Variants in DPP10 observed in about 807,000 individuals in gnomAD.
DPP10 encodes inactive dipeptidyl peptidase 10.
A neutral mutation model predicts 120.9 loss-of-function variants in DPP10; 33 were observed. That is an observed-to-expected ratio of 0.27 (90% CI 0.21 to 0.37). The LOEUF (loss-of-function observed/expected upper bound fraction) is 0.37. DPP10 is among the 10% of genes least tolerant of loss of function. The pLI, the probability that DPP10 is intolerant of heterozygous loss-of-function variation, is 1.00. For missense variants in DPP10, 816 were observed against 942.8 expected, an observed-to-expected ratio of 0.87 and a Z score of 1.76; for synonymous variants, 337 against 326.1, an observed-to-expected ratio of 1.03 and a Z score of -0.36.
chr2:114,858,656 A>C (rs1689557620), intron 1 of DPP10, among the ~76,000 whole-genome samples: 1 of 152,212 alleles, frequency 6.6e-6, no homozygotes, highest in Non-Finnish European at 1.5e-5. Flanking sequence ...GAAAATGATC[A>C]GCTTATTCTG....
chr2:115,815,917 A>G (rs979492942), intron 21 of DPP10, among the ~76,000 whole-genome samples, 188 bp downstream of exon 21: 5 of 151,758 alleles, frequency 3.3e-5, no homozygotes, highest in African/African-American at 1.2e-4. Flanking sequence ...CCAGAGTCTG[A>G]AATGTATATA....
intron 1 of DPP10, among the ~76,000 whole-genome samples, chr2:114,945,234 C>T (rs67100113): frequency 0.21 from 31,764 of 152,014 alleles, 3,537 homozygotes; most frequent in Middle Eastern, 0.36. Context: ...CAAATTGATA[C>T]GTTGCATTTT....
chr2:114,880,063 C>CT (rs1269526750), intron 1 of DPP10, among the ~76,000 whole-genome samples: 3 of 152,144 alleles, frequency 2.0e-5, no homozygotes, highest in African/African-American at 7.2e-5. Flanking sequence ...CCCTGTGGAG[C>CT]TTTTTCACCT....
chr2:114,488,190 T>C (rs1055528982), intron 1 of DPP10, among the ~76,000 whole-genome samples: 1 of 152,184 alleles, frequency 6.6e-6, no homozygotes, highest in Non-Finnish European at 1.5e-5. Flanking sequence ...CACCTGTGCC[T>C]CATTTGTTGC....
At chr2:115,307,304 C>A (rs191866727) in intron 1 of DPP10, among the ~76,000 whole-genome samples, 2 of 152,176 alleles carry the variant, frequency 1.3e-5, no homozygotes, top group East Asian at 3.9e-4. Context: ...AGTCAAAAGT[C>A]ATTTCTCAAA....
chr2:115,706,601 C>A (rs750671401), intron 7 of DPP10, among the ~76,000 whole-genome samples: 2 of 151,928 alleles, frequency 1.3e-5, no homozygotes, highest in Non-Finnish European at 2.9e-5. Flanking sequence ...TGTATCATTG[C>A]AACTAAGCGC....
At chr2:115,084,997 T>C (rs1708575853) in intron 1 of DPP10, among the ~76,000 whole-genome samples, 1 of 152,222 alleles carries the variant, frequency 6.6e-6, no homozygotes, top group African/African-American at 2.4e-5. Flanking sequence ...ATGTTCAGTT[T>C]GGTGCAACAT....
intron 1 of DPP10, among the ~76,000 whole-genome samples, chr2:114,978,700 G>C (rs1574620687): frequency 6.6e-6 from 1 of 152,126 alleles, no homozygotes; most frequent in Non-Finnish European, 1.5e-5. Flanking sequence ...CTTTAAATAG[G>C]AGTTGGGTTC....
chr2:115,468,563 G>A, intron 3 of DPP10: 1 of 411,972 alleles, frequency 2.4e-6, no homozygotes, highest in Non-Finnish European at 4.7e-6. Context: ...ACTCAGTGGG[G>A]CTAATGTGGT....
intron 3 of DPP10, among the ~76,000 whole-genome samples, chr2:115,489,273 C>T (rs550986221): frequency 6.6e-6 from 1 of 151,326 alleles, no homozygotes; most frequent in African/African-American, 2.4e-5. Context: ...CCAGATTAGC[C>T]CAATGCTGTA....
chr2:115,282,535 G>A (rs935176735), intron 1 of DPP10, among the ~76,000 whole-genome samples: 1 of 151,952 alleles, frequency 6.6e-6, no homozygotes, highest in Non-Finnish European at 1.5e-5. Context: ...CTTACCTATA[G>A]AAACTGATAG....
At position 115,309,236 on chromosome 2, in the gene DPP10, T is replaced by C. The variant is rs755847077; in HGVS notation, c.61-3T>C. 1.1e-5 allele frequency: 17 copies of C among 1,610,944 alleles called. 1 individual carries two copies. The South Asian group carries it at 1.9e-4, about 18-fold the overall frequency. On this transcript the variant is annotated splice_polypyrimidine_tract_variant and splice_region_variant and intron_variant, in intron 1 of 25. Transcript: ENST00000410059. ...TACAAAACTTTTTTTTCTATCTCGG[T>C]AGGAACTGGGAAGTAACAGCCCTCC...
intron 3 of DPP10, among the ~76,000 whole-genome samples, chr2:115,385,202 C>T (rs1262359849): frequency 6.6e-6 from 1 of 152,068 alleles, no homozygotes; most frequent in Non-Finnish European, 1.5e-5. Context: ...CTTGAGGATC[C>T]TCATTCCGGA....
intron 3 of DPP10, among the ~76,000 whole-genome samples, chr2:115,470,369 C>T (rs1252953300): frequency 6.6e-6 from 1 of 152,132 alleles, no homozygotes; most frequent in Non-Finnish European, 1.5e-5. Context: ...CCTGTCACTG[C>T]ACCATCTTTT....
intron 19 of DPP10, among the ~76,000 whole-genome samples, chr2:115,805,404 T>C (rs1235221595): frequency 1.3e-5 from 2 of 152,208 alleles, no homozygotes; most frequent in East Asian, 3.9e-4. Flanking sequence ...CTCGCCCTGC[T>C]TTGGCTCACA....
At chr2:114,842,580 G>A (rs1194218853) in intron 1 of DPP10, among the ~76,000 whole-genome samples, 2 of 152,032 alleles carry the variant, frequency 1.3e-5, no homozygotes. Context: ...TCCCTAAAGT[G>A]ACCAGAATAA....
At chr2:114,910,017 C>T (rs910835377) in intron 1 of DPP10, among the ~76,000 whole-genome samples, 56 of 151,550 alleles carry the variant, frequency 3.7e-4, no homozygotes, top group African/African-American at 1.3e-3. Context: ...TATATATAAA[C>T]ATGTGTGTGT....
intron 1 of DPP10, among the ~76,000 whole-genome samples, chr2:114,485,686 C>T (rs377347852): frequency 6.6e-6 from 1 of 151,964 alleles, no homozygotes; most frequent in African/African-American, 2.4e-5. Context: ...GTCTGGGCTC[C>T]TCTCTTCTTC....
intron 1 of DPP10, among the ~76,000 whole-genome samples, chr2:114,918,932 C>A (rs1295623259): frequency 6.6e-6 from 1 of 151,058 alleles, no homozygotes; most frequent in East Asian, 1.9e-4. Flanking sequence ...TGCACACGTA[C>A]CCCCGAACCT....
Sources: allele counts gnomAD v4.1 joint callset (sites outside exome capture counted in the v4.1 genomes callset), GRCh38; gene constraint gnomAD v4.1.1; transcripts MANE v1.5; gene names NCBI Gene and HGNC (gene_info 2026-07-23, HGNC 2026-07-21).